GALNT13: variants seen among roughly 807,000 people sequenced by gnomAD.
GALNT13 encodes the protein UDP-GalNAc:polypeptide N-acetylgalactosaminyltransferase 13.
A neutral mutation model predicts 64.2 loss-of-function variants in GALNT13; 28 were observed. The observed-to-expected ratio is 0.44, with a 90% CI of 0.32 to 0.60. GALNT13 has a LOEUF of 0.60. GALNT13 is among the 20% of genes least tolerant of loss of function. GALNT13 has a pLI of 0.05. For synonymous variants in GALNT13, 214 were observed against 224.6 expected, an observed-to-expected ratio of 0.95 and a Z score of 0.42; for missense variants, 577 against 669.8, an observed-to-expected ratio of 0.86 and a Z score of 1.53.
the GALNT13 span, among the ~76,000 whole-genome samples, chr2:153,524,174 A>G: frequency 1.3e-5 from 2 of 152,186 alleles, no homozygotes; most frequent in African/African-American, 4.8e-5. Flanking sequence ...ATTGTGGTAT[A>G]TAATTCATTC....
the GALNT13 span, among the ~76,000 whole-genome samples, chr2:153,086,514 A>G: frequency 6.6e-6 from 1 of 152,086 alleles, no homozygotes; most frequent in Non-Finnish European, 1.5e-5. Flanking sequence ...GTTTCCCTGC[A>G]CACAGTCTCT....
chr2:154,434,830 C>T (rs1455029132), intron 11 of GALNT13, among the ~76,000 whole-genome samples: 1 of 152,072 alleles, frequency 6.6e-6, no homozygotes, highest in Non-Finnish European at 1.5e-5. Context: ...TTACATTTTG[C>T]AGTACTGTAA....
chr2:153,310,705 T>G, the GALNT13 span, among the ~76,000 whole-genome samples: 2 of 152,310 alleles, frequency 1.3e-5, no homozygotes, highest in African/African-American at 4.8e-5. Context: ...ATTAGCAATA[T>G]AGCCTACTGC....
intron 9 of GALNT13, among the ~76,000 whole-genome samples, chr2:154,387,105 A>T (rs1410083955): frequency 7.9e-5 from 12 of 152,212 alleles, no homozygotes; most frequent in Admixed American, 7.9e-4. Flanking sequence ...ATAGTCAATC[A>T]GCCAGTTAAT....
chr2:154,036,500 C>T (rs1384340164), intron 3 of GALNT13, among the ~76,000 whole-genome samples: 2 of 152,042 alleles, frequency 1.3e-5, no homozygotes. Flanking sequence ...ATCATTGAGT[C>T]CTATGATAGA....
At chr2:154,436,111 A>C (rs550951655) in intron 11 of GALNT13, 4 of 152,336 alleles carry the variant, frequency 2.6e-5, no homozygotes, top group South Asian at 2.1e-4. Context: ...AAGAAAAATA[A>C]GGAAGCATTA....
At chr2:153,359,630 CAAAAAAAAAAAAAAAAAA>C in the GALNT13 span, among the ~76,000 whole-genome samples, 8 of 38,220 alleles carry the variant, frequency 2.1e-4, no homozygotes, top group Non-Finnish European at 2.6e-4. Context: ...CAGCTTTCAG[CAAAAAAAAAAAAAAAAAA>C]AAAAAAAAAA....
chr2:153,173,055 A>G, the GALNT13 span, among the ~76,000 whole-genome samples: 2 of 151,044 alleles, frequency 1.3e-5, no homozygotes, highest in African/African-American at 4.9e-5. Context: ...ACATTACAAG[A>G]TATATGTATA....
At chr2:153,908,902 T>G (rs1242551322) in intron 2 of GALNT13, among the ~76,000 whole-genome samples, 1 of 152,150 alleles carries the variant, frequency 6.6e-6, no homozygotes, top group Non-Finnish European at 1.5e-5. Flanking sequence ...ATATGAATTT[T>G]AAAATATATT....
chr2:154,386,565 A>G (rs1192473487), intron 9 of GALNT13, among the ~76,000 whole-genome samples: 1 of 152,096 alleles, frequency 6.6e-6, no homozygotes, highest in Non-Finnish European at 1.5e-5. Context: ...GTTCTGTGGG[A>G]CAATTGGACC....
At chr2:153,178,550 A>C in the GALNT13 span, among the ~76,000 whole-genome samples, 3 of 152,102 alleles carry the variant, frequency 2.0e-5, no homozygotes, top group Non-Finnish European at 2.9e-5. Flanking sequence ...TTCTAAAATC[A>C]GATATTGTTT....
chr2:153,160,335 C>T, the GALNT13 span, among the ~76,000 whole-genome samples: 1 of 152,152 alleles, frequency 6.6e-6, no homozygotes, highest in Non-Finnish European at 1.5e-5. Context: ...GCTTATTATT[C>T]AGTTGATGGG....
chr2:153,671,733 T>G, the GALNT13 span, among the ~76,000 whole-genome samples: 2 of 152,072 alleles, frequency 1.3e-5, no homozygotes. Context: ...GGCTAAATGC[T>G]CCAATTAAAA....
At chr2:153,837,727 C>T in the GALNT13 span, among the ~76,000 whole-genome samples, 2 of 151,966 alleles carry the variant, frequency 1.3e-5, no homozygotes, top group African/African-American at 4.8e-5. Flanking sequence ...CTGCAATGCA[C>T]GTGGGAATGC....
At chr2:153,463,768 A>G in the GALNT13 span, among the ~76,000 whole-genome samples, 1 of 152,058 alleles carries the variant, frequency 6.6e-6, no homozygotes, top group Non-Finnish European at 1.5e-5. Context: ...ATTAACTTGA[A>G]CTTGATTCTG....
intron 4 of GALNT13, among the ~76,000 whole-genome samples, chr2:154,151,946 G>C (rs1429243781): frequency 6.6e-6 from 1 of 152,084 alleles, no homozygotes; most frequent in Non-Finnish European, 1.5e-5. Flanking sequence ...GGCTAATATT[G>C]TTATGTGTGA....
chr2:153,133,787 A>T, the GALNT13 span, among the ~76,000 whole-genome samples: 55 of 152,290 alleles, frequency 3.6e-4, no homozygotes, highest in Non-Finnish European at 6.6e-4. Flanking sequence ...CTTCTCGATG[A>T]CATGGCTTCC....
At chr2:153,380,916 T>G in the GALNT13 span, among the ~76,000 whole-genome samples, 2 of 152,006 alleles carry the variant, frequency 1.3e-5, no homozygotes, top group Non-Finnish European at 2.9e-5. Flanking sequence ...AATTTGGGGT[T>G]TTTTTGTGTG....
At chr2:153,542,647 G>C in the GALNT13 span, among the ~76,000 whole-genome samples, 1 of 152,198 alleles carries the variant, frequency 6.6e-6, no homozygotes, top group African/African-American at 2.4e-5. Context: ...ACTAGCTATT[G>C]AGGGTGATCA....
Sources: allele counts gnomAD v4.1 joint callset (sites outside exome capture counted in the v4.1 genomes callset), GRCh38; gene constraint gnomAD v4.1.1; transcripts MANE v1.5; gene names NCBI Gene and HGNC (gene_info 2026-07-23, HGNC 2026-07-21).